F2RL1: variants seen among roughly 807,000 people sequenced by gnomAD.
F2RL1 encodes proteinase-activated receptor 2.
F2RL1 carries 16 observed loss-of-function variants against 21.7 expected under a neutral mutation model. The ratio of observed to expected loss-of-function variants is 0.74; its 90% CI spans 0.50 to 1.12. The LOEUF (loss-of-function observed/expected upper bound fraction) is 1.12, where lower values mean the gene tolerates loss of function less well. Among genes scored for constraint, F2RL1 ranks in the 50% most tolerant of loss-of-function variants. The probability of loss-of-function intolerance (pLI) is 0.00; values close to 1 mark genes in which losing one functional copy is unlikely to be tolerated. For missense variants in F2RL1, 432 were observed against 477.8 expected, an observed-to-expected ratio of 0.90 and a Z score of 0.89; for synonymous variants, 181 against 186.7, an observed-to-expected ratio of 0.97 and a Z score of 0.25.
chr5:76,827,325 C>CAAAAAAAAAA (rs764040748), intron 1 of F2RL1, among the ~76,000 whole-genome samples: 33 of 87,562 alleles, frequency 3.8e-4, no homozygotes, highest in African/African-American at 1.3e-3. Flanking sequence ...ACTAAAAATA[C>CAAAAAAAAAA]AAAAAAAAAA....
At chr5:76,827,277 C>G (rs1422805141) in intron 1 of F2RL1, among the ~76,000 whole-genome samples, 3 of 141,082 alleles carry the variant, frequency 2.1e-5, no homozygotes, top group Non-Finnish European at 3.0e-5. Context: ...GTCAGGAGAT[C>G]GAGACCATCC....
rs773259823 is a variant in F2RL1 at position 76,832,919 on chromosome 5, TAAG to T, written c.319_321del (p.Lys107del). Reference sequence around the variant, plus strand: ...CCCTGTGGGTCTTTCTTTTCCGAACTAAGAAGAAGCACCCTGCTGTGATTTACA... The same window carrying T: ...CCCTGTGGGTCTTTCTTTTCCGAACTAAGAAGCACCCTGCTGTGATTTACA... On this transcript the variant is annotated inframe_deletion, in exon 2 of 2. Transcript: ENST00000296677. 8 of 1,614,246 alleles carry T rather than the reference TAAG, an allele frequency of 5.0e-6. No individual in the cohort carries two copies. Among genetic ancestry groups the T allele is most frequent in the South Asian group, 2.2e-5 (2 of 91,086 alleles).
chr5:76,825,899 C>T (rs1396954831), intron 1 of F2RL1, among the ~76,000 whole-genome samples: 2 of 152,050 alleles, frequency 1.3e-5, no homozygotes, highest in Admixed American at 1.3e-4. Flanking sequence ...TTCCTTGCTC[C>T]TTTTTTGGTC....
intron 1 of F2RL1, among the ~76,000 whole-genome samples, chr5:76,826,783 A>G (rs1750247214): frequency 6.6e-6 from 1 of 152,084 alleles, no homozygotes; most frequent in Non-Finnish European, 1.5e-5. Flanking sequence ...TGATTTTTGA[A>G]AACAGCCAAA....
chr5:76,826,907 C>T (rs1351071435), intron 1 of F2RL1, among the ~76,000 whole-genome samples: 1 of 151,776 alleles, frequency 6.6e-6, no homozygotes, highest in African/African-American at 2.4e-5. Flanking sequence ...GCTCTGTTGC[C>T]CAGGCTGGAG....
rs933263913 is a variant in F2RL1, at chr5:76,833,705, T to C, written c.1098T>C (p.Thr366=). The C allele has an allele frequency of 2.5e-6, 4 of 1,614,044 alleles. No homozygotes were observed. The highest frequency in any genetic ancestry group is 3.4e-6 in the Non-Finnish European group (4 of 1,180,016). The change falls in exon 2 of 2, where the codon ACT becomes ACC. Residue 366 remains threonine, a synonymous_variant. Coordinates refer to ENST00000296677, the MANE Select transcript of F2RL1 (RefSeq NM_005242.6). ...KNALLCRSVR[T]VKQMQVSLTS... The stretch of plus-strand genomic sequence containing the variant: ...CTCTCCTTTGCCGAAGTGTCCGCAC[T>C]GTAAAGCAGATGCAAGTATCCCTCA...
chr5:76,833,513 T>C lies in F2RL1; in HGVS notation c.906T>C (p.Pro302=), dbSNP rs1213648620. 1.9e-6 allele frequency: 3 copies of C among 1,613,790 alleles called. No homozygotes were observed. The South Asian group carries it at 3.3e-5, about 18-fold the overall frequency. The change falls in exon 2 of 2, where the codon CCT becomes CCC. Residue 302 remains proline, a synonymous_variant. Coordinates refer to ENST00000296677, the MANE Select transcript of F2RL1 (RefSeq NM_005242.6). ...VLAMYLICFT[P]SNLLLVVHYF... is the part of the protein sequence containing the mutation. Reference sequence around the variant, plus strand: ...CCATGTACCTGATCTGCTTCACTCCTAGTAACCTTCTGCTTGTGGTGCATT... The same window carrying C: ...CCATGTACCTGATCTGCTTCACTCCCAGTAACCTTCTGCTTGTGGTGCATT...
intron 1 of F2RL1, among the ~76,000 whole-genome samples, chr5:76,825,299 C>T (rs1750218672): frequency 6.6e-6 from 1 of 152,110 alleles, no homozygotes; most frequent in African/African-American, 2.4e-5. Context: ...GCCACCATGC[C>T]TGGCCAGTTT....
At chr5:76,830,490 C>T (rs1750331111) in intron 1 of F2RL1, among the ~76,000 whole-genome samples, 1 of 152,084 alleles carries the variant, frequency 6.6e-6, no homozygotes, top group Admixed American at 6.6e-5. Flanking sequence ...GTTGGCCAGG[C>T]TTGTCTTGAA....
At chr5:76,825,996 A>T (rs535091485) in intron 1 of F2RL1, among the ~76,000 whole-genome samples, 64 of 152,118 alleles carry the variant, frequency 4.2e-4, no homozygotes, top group Middle Eastern at 6.8e-3. Context: ...TTTTATGGAG[A>T]ATTTTAATCT....
Position 76,819,167 on chromosome 5 carries a change from C to A in F2RL1, c.-16C>A. Reference sequence around the variant, plus strand: ...GGCGGATTCCCCGCGCGCCCGGCGTCGGGGCTTCCAGGAGGATGCGGAGCC... The same window carrying A: ...GGCGGATTCCCCGCGCGCCCGGCGTAGGGGCTTCCAGGAGGATGCGGAGCC... On this transcript the variant is annotated 5_prime_UTR_variant, in exon 1 of 2. Transcript: ENST00000296677. 1 of 1,568,644 alleles carries A rather than the reference C, an allele frequency of 6.4e-7. No homozygotes were observed. The highest frequency in any genetic ancestry group is 1.2e-5 in the South Asian group (1 of 86,674).
Position 76,819,056 on chromosome 5 carries a change from C to T in F2RL1, c.-127C>T, listed in dbSNP as rs1750073859. The T allele has an allele frequency of 1.1e-5, 8 of 749,326 alleles. No individual in the cohort carries two copies. The highest frequency in any genetic ancestry group is 1.8e-5 in the African/African-American group (1 of 55,796). 46.4% of individuals were successfully genotyped at this position (749,326 alleles called of 1,614,324 possible). A position where few individuals can be genotyped will look rare whatever the true frequency, so the allele number is the denominator to read the frequency against. On this transcript the variant is annotated 5_prime_UTR_variant, in exon 1 of 2. Coordinates refer to ENST00000296677, the MANE Select transcript of F2RL1 (RefSeq NM_005242.6). ...AAACCTAACCCGCCCTGGGGAGGCGCGCAGCAGAGGCTCCGATTCGGGGCA... is the reference window on the plus strand; with the variant it reads ...AAACCTAACCCGCCCTGGGGAGGCGTGCAGCAGAGGCTCCGATTCGGGGCA...
At chr5:76,832,419 T>C (rs938750811) in intron 1 of F2RL1, among the ~76,000 whole-genome samples, 3 of 152,070 alleles carry the variant, frequency 2.0e-5, no homozygotes, top group East Asian at 1.9e-4. Flanking sequence ...CTGGGCAACA[T>C]AGTGAGATCC....
intron 1 of F2RL1, among the ~76,000 whole-genome samples, chr5:76,828,836 C>T (rs555025077): frequency 6.6e-6 from 1 of 151,984 alleles, no homozygotes. Context: ...TTATTTTAGG[C>T]CGGGTGCAGT....
At chr5:76,825,004 A>ATTTTTTT (rs555152159) in intron 1 of F2RL1, among the ~76,000 whole-genome samples, 5 of 129,886 alleles carry the variant, frequency 3.8e-5, no homozygotes, top group African/African-American at 1.5e-4. Context: ...GTACATTATA[A>ATTTTTTT]TTTTTTTTTT....
At chr5:76,823,229 C>CAAA (rs70982641) in intron 1 of F2RL1, among the ~76,000 whole-genome samples, 3 of 139,000 alleles carry the variant, frequency 2.2e-5, no homozygotes, top group Non-Finnish European at 3.2e-5. Flanking sequence ...GACTCAGTCT[C>CAAA]AAAAAAAAAA....
At chr5:76,823,377 T>G (rs1193659610) in intron 1 of F2RL1, among the ~76,000 whole-genome samples, 5 of 149,932 alleles carry the variant, frequency 3.3e-5, no homozygotes, top group South Asian at 2.1e-4. Context: ...TTGGTTTTTT[T>G]TTTTTTTTTT....
Position 76,833,618 on chromosome 5 carries a change from C to T in F2RL1, c.1011C>T (p.Ser337=), listed in dbSNP as rs745419972. 1 of 1,614,006 alleles carries T rather than the reference C, an allele frequency of 6.2e-7. No individual in the cohort carries two copies. The highest frequency in any genetic ancestry group is 8.5e-7 in the Non-Finnish European group (1 of 1,180,008). The part of the protein sequence containing the change: ...IVALCLSTLN[S]CIDPFVYYFV... ...CCCTCTGCCTCTCTACCCTTAACAGCTGCATCGACCCCTTTGTCTATTACT... is the reference window on the plus strand; with the variant it reads ...CCCTCTGCCTCTCTACCCTTAACAGTTGCATCGACCCCTTTGTCTATTACT... Residue 337 remains serine, a synonymous_variant, in exon 2 of 2, where the codon AGC becomes AGT. Coordinates refer to ENST00000296677, the MANE Select transcript of F2RL1 (RefSeq NM_005242.6).
chr5:76,827,215 C>T (rs1750255736), intron 1 of F2RL1, among the ~76,000 whole-genome samples: 1 of 150,740 alleles, frequency 6.6e-6, no homozygotes, highest in Non-Finnish European at 1.5e-5. Flanking sequence ...GGCGTGGTGG[C>T]TCACGCCTGT....
Sources: allele counts gnomAD v4.1 joint callset (sites outside exome capture counted in the v4.1 genomes callset), GRCh38; gene constraint gnomAD v4.1.1; transcripts MANE v1.5; gene names NCBI Gene and HGNC (gene_info 2026-07-23, HGNC 2026-07-21).